Variants in TMEM165 observed in about 807,000 individuals in gnomAD.
TMEM165 encodes the protein transmembrane protein 165, also known as putative divalent cation/proton antiporter TMEM165.
TMEM165 carries 19 observed loss-of-function variants against 30.0 expected under a neutral mutation model. The ratio of observed to expected loss-of-function variants is 0.63; its 90% CI spans 0.44 to 0.93. The LOEUF (loss-of-function observed/expected upper bound fraction) is 0.93, where lower values mean the gene tolerates loss of function less well. TMEM165 is among the 40% of genes least tolerant of loss of function. TMEM165 has a pLI of 0.00. For synonymous variants in TMEM165, 168 were observed against 162.9 expected, an observed-to-expected ratio of 1.03 and a Z score of -0.24; for missense variants, 340 against 417.0, an observed-to-expected ratio of 0.82 and a Z score of 1.61.
intron 1 of TMEM165, among the ~76,000 whole-genome samples, chr4:55,407,346 C>T (rs756798498): frequency 2.0e-5 from 3 of 152,138 alleles, no homozygotes; most frequent in Non-Finnish European, 4.4e-5. Context: ...TGGCTGTGAG[C>T]ACTTGATATG....
In TMEM165 at chr4:55,448,702, T is replaced by G. The variant is rs563422985; in HGVS notation, c.409-3537T>G. 1.7e-5 allele frequency: 22 copies of G among 1,268,792 alleles called. No homozygotes were observed. The African/African-American group carries it at 3.1e-4, about 18-fold the overall frequency. 78.6% of individuals were successfully genotyped at this position (1,268,792 alleles called of 1,614,324 possible). ...ACAGGTGCTTGCCAGCAAGCCTGGA[T>G]TTTTAAAAAAATTACATTAGCTTAA... On this transcript the variant is annotated intron_variant, in intron 3 of 3. Transcript: ENST00000608091.
rs1722162327 is a variant in TMEM165, at chr4:55,425,580, C to A, written c.*128C>A. 1.5e-6 allele frequency: 1 copy of A among 688,566 alleles called. No homozygotes were observed. Among genetic ancestry groups the A allele is most frequent in the Non-Finnish European group, 2.4e-6 (1 of 415,592 alleles). The allele number at this position is 688,566 out of a possible 1,614,324, so 42.7% of individuals were successfully genotyped here. ...TAGCACTGATTTTGTGAGTTTGACC[C>A]ATTATTATGTCTGAGATATAATCAT... On this transcript the variant is annotated 3_prime_UTR_variant, in exon 6 of 6. Transcript: ENST00000381334.
chr4:55,450,237 G>A, intron 3 of TMEM165: 1 of 1,613,830 alleles, frequency 6.2e-7, no homozygotes, highest in Admixed American at 1.7e-5. Flanking sequence ...TTGGCTCTAT[G>A]GAGACAGAGT....
intron 4 of TMEM165, among the ~76,000 whole-genome samples, chr4:55,419,239 A>G (rs75952407): frequency 2.6e-5 from 4 of 152,172 alleles, no homozygotes; most frequent in African/African-American, 7.2e-5. Context: ...TTCCTGCCTC[A>G]GCCTCGCAAA....
chr4:55,414,700 T>C (rs986483032), intron 2 of TMEM165, among the ~76,000 whole-genome samples: 6 of 152,240 alleles, frequency 3.9e-5, no homozygotes, highest in Admixed American at 6.5e-5. Context: ...TTTTAGTCTT[T>C]TAATCTGAAA....
intron 4 of TMEM165, among the ~76,000 whole-genome samples, chr4:55,420,112 T>A (rs1211086410): frequency 0.095 from 3,436 of 36,144 alleles, 318 homozygotes; most frequent in African/African-American, 0.2. Flanking sequence ...AAAAAATATA[T>A]ATATATATAC....
At chr4:55,448,601 CGTGTGTGT>C (rs3034980) in intron 3 of TMEM165, among the ~76,000 whole-genome samples, 3,131 of 117,014 alleles carry the variant, frequency 0.027, 73 homozygotes, top group African/African-American at 0.058. Context: ...CGCACGCGCG[CGTGTGTGT>C]GTGTGTGTGT....
chr4:55,402,795 C>CTTTTTTTT (rs71194554), intron 1 of TMEM165, among the ~76,000 whole-genome samples: 1,135 of 71,314 alleles, frequency 0.016, 261 homozygotes, highest in African/African-American at 0.067. Flanking sequence ...TTAAAAAAAG[C>CTTTTTTTT]TTTTTTTTTT....
chr4:55,410,072 C>G (rs987335634), intron 1 of TMEM165, among the ~76,000 whole-genome samples: 1 of 152,126 alleles, frequency 6.6e-6, no homozygotes, highest in Admixed American at 6.5e-5. Flanking sequence ...TCCTTCCCTC[C>G]CTCCTCCTTG....
chr4:55,404,315 A>G (rs1721182240), intron 1 of TMEM165, among the ~76,000 whole-genome samples: 1 of 150,984 alleles, frequency 6.6e-6, no homozygotes, highest in Admixed American at 6.6e-5. Context: ...ATGCCCAGCC[A>G]TATTAGTTTC....
At chr4:55,443,999 A>G in intron 3 of TMEM165, 2 of 978,942 alleles carry the variant, frequency 2.0e-6, no homozygotes, top group Non-Finnish European at 3.1e-6. Context: ...TTTAAAAAGC[A>G]AGTAACAAGG....
At chr4:55,398,342 A>G (rs1720817091) in intron 1 of TMEM165, among the ~76,000 whole-genome samples, 1 of 151,724 alleles carries the variant, frequency 6.6e-6, no homozygotes, top group Non-Finnish European at 1.5e-5. Flanking sequence ...AGCCGATTTA[A>G]TCCTCACAAC....
chr4:55,406,647 A>C (rs1721278619), intron 1 of TMEM165, among the ~76,000 whole-genome samples: 1 of 152,086 alleles, frequency 6.6e-6, no homozygotes, highest in Admixed American at 6.6e-5. Flanking sequence ...ATCAATGGAC[A>C]TTTAGTTGTT....
At chr4:55,435,048 A>G (rs1173991636) in intron 3 of TMEM165, 2 of 324,490 alleles carry the variant, frequency 6.2e-6, no homozygotes, top group Non-Finnish European at 1.2e-5. Flanking sequence ...GTAACACTTG[A>G]TAAGAGGCAC....
chr4:55,413,235 C>T (rs1038997846), intron 2 of TMEM165, among the ~76,000 whole-genome samples: 3 of 152,170 alleles, frequency 2.0e-5, no homozygotes, highest in Admixed American at 2.0e-4. Flanking sequence ...CCACCTTAGC[C>T]TCCCAGTGTA....
intron 2 of TMEM165, among the ~76,000 whole-genome samples, chr4:55,412,310 C>G (rs904706023): frequency 6.6e-5 from 9 of 137,246 alleles, no homozygotes; most frequent in Admixed American, 3.4e-4. Flanking sequence ...AGGAGAATCG[C>G]TTGAACCCAG....
intron 1 of TMEM165, among the ~76,000 whole-genome samples, chr4:55,397,685 T>C (rs901895422): frequency 2.6e-5 from 4 of 151,944 alleles, no homozygotes; most frequent in African/African-American, 9.7e-5. Context: ...TCCTTTTTCC[T>C]TTCCATTCCT....
At chr4:55,417,042 T>C (rs774546822) in intron 2 of TMEM165, 30 bp from the exon 3 acceptor site, 2 of 1,551,942 alleles carry the variant, frequency 1.3e-6, no homozygotes, top group Non-Finnish European at 1.7e-6. Flanking sequence ...ACACACTCGA[T>C]TAACAAACAT....
At chr4:55,413,585 G>A (rs1418828675) in intron 2 of TMEM165, among the ~76,000 whole-genome samples, 2 of 152,242 alleles carry the variant, frequency 1.3e-5, no homozygotes, top group African/African-American at 2.4e-5. Context: ...AAAGTGCTGC[G>A]ATTACAGGCG....
Sources: gnomAD v4.1 joint callset for allele counts (sites outside exome capture counted in the v4.1 genomes callset) on GRCh38, gnomAD v4.1.1 for gene constraint, MANE v1.5 for transcripts, NCBI Gene and HGNC (gene_info 2026-07-23, HGNC 2026-07-21) for gene names.